BRD3: variants seen among roughly 807,000 people sequenced by gnomAD.
BRD3 encodes the protein bromodomain containing 3.
In BRD3, 17 loss-of-function variants were observed where a neutral mutation model predicts 66.8. The ratio of observed to expected loss-of-function variants is 0.25; its 90% CI spans 0.17 to 0.38. BRD3 has a LOEUF of 0.38. Ranked by LOEUF, BRD3 falls within the 10% of genes least tolerant of loss-of-function variation. The probability of loss-of-function intolerance (pLI) is 1.00; values close to 1 mark genes in which losing one functional copy is unlikely to be tolerated. For missense variants in BRD3, 713 were observed against 956.1 expected (o/e 0.75, Z 3.35); for synonymous variants, 421 against 393.2 (o/e 1.07, Z -0.84).
In BRD3 at chr9:134,036,344, A is replaced by AAC; in HGVS notation, c.1644-22_1644-21dup. On this transcript the variant is annotated intron_variant, in intron 9 of 11. Coordinates refer to ENST00000303407, the MANE Select transcript of BRD3 (RefSeq NM_007371.4). ...AGCTGTCTGGGGCAGGAGACAGAGC[A>AAC]ACGTGGTGTTGAGTCTCCGTCTACC... is the stretch of plus-strand genomic sequence containing the variant. The AAC allele has an allele frequency of 6.3e-7, 1 of 1,585,022 alleles. No individual in the cohort carries two copies. Among genetic ancestry groups the AAC allele is most frequent in the Non-Finnish European group, 8.6e-7 (1 of 1,165,346 alleles).
Position 134,036,918 on chromosome 9 carries a change from G to C in BRD3, c.1644-594C>G, listed in dbSNP as rs868274435. 1.3e-5 allele frequency among the ~76,000 whole-genome samples: 2 copies of C among 152,250 alleles called. 1 individual carries two copies. Among genetic ancestry groups the C allele is most frequent in the Middle Eastern group, 6.8e-3 (2 of 294 alleles). On this transcript the variant is annotated intron_variant, in intron 9 of 11. Transcript: ENST00000303407. ...CCCAGCTATGCGGGAGGCTGAGGCA[G>C]GAGAATCGCTTGAACCAGGGAGGCG...
intron 1 of BRD3, among the ~76,000 whole-genome samples, chr9:134,065,885 AC>A (rs1424752296): frequency 6.6e-6 from 1 of 152,096 alleles, no homozygotes; most frequent in Non-Finnish European, 1.5e-5. Flanking sequence ...GGAAGGTAGC[AC>A]CGGCTGCAGC....
chr9:134,050,767 T>G (rs1364918143), intron 4 of BRD3, among the ~76,000 whole-genome samples, 179 bp from the exon 5 acceptor site: 1 of 152,050 alleles, frequency 6.6e-6, no homozygotes, highest in Non-Finnish European at 1.5e-5. Context: ...AGGGTTGGTC[T>G]GGCTCATCTT....
intron 1 of BRD3, chr9:134,054,628 G>A (rs2132436976): frequency 6.6e-6 from 1 of 152,446 alleles, no homozygotes; most frequent in South Asian, 2.1e-4. Context: ...GCTCCCCTCG[G>A]AGCACAGGCA....
rs966016820 is a variant in BRD3 at position 134,035,956 on chromosome 9, C to T, written c.1936+76G>A. On this transcript the variant is annotated intron_variant, in intron 10 of 11. Coordinates refer to ENST00000303407, the MANE Select transcript of BRD3 (RefSeq NM_007371.4). ...GTGCCCAAGCTCGCCGCACAGGGTCCGTGAGGAGTGACAGGAGGGGCAGGC... is the reference window on the plus strand; with the variant it reads ...GTGCCCAAGCTCGCCGCACAGGGTCTGTGAGGAGTGACAGGAGGGGCAGGC... The T allele has an allele frequency of 7.9e-6, 12 of 1,527,874 alleles. No individual in the cohort carries two copies. The African/African-American group carries it at 8.3e-5, about 11-fold the overall frequency. 94.6% of individuals were successfully genotyped at this position (1,527,874 alleles called of 1,614,324 possible).
At chr9:134,036,674 G>A in intron 9 of BRD3, 1 of 1,128,954 alleles carries the variant, frequency 8.9e-7, no homozygotes, top group South Asian at 1.3e-5. Flanking sequence ...ATAATAAAAT[G>A]AGAGACCGAA....
intron 7 of BRD3, 28 bp from the exon 8 acceptor site, chr9:134,041,979 G>A (rs748603708): frequency 1.3e-6 from 2 of 1,537,364 alleles, no homozygotes; most frequent in Admixed American, 1.9e-5. Flanking sequence ...CTGCCCTGAA[G>A]ACATGGGTGC....
intron 9 of BRD3, among the ~76,000 whole-genome samples, chr9:134,036,824 C>A (rs537359139): frequency 1.3e-5 from 2 of 151,816 alleles, no homozygotes; most frequent in African/African-American, 2.4e-5. Context: ...CTGGCTACCA[C>A]GGTGAAACCT....
At chr9:134,061,874 G>A (rs1289741260) in intron 1 of BRD3, among the ~76,000 whole-genome samples, 1 of 152,178 alleles carries the variant, frequency 6.6e-6, no homozygotes, top group African/African-American at 2.4e-5. Flanking sequence ...TGGCAGGAGG[G>A]AGCTGAGTCT....
intron 7 of BRD3, among the ~76,000 whole-genome samples, chr9:134,042,246 G>A (rs954962135): frequency 2.0e-5 from 3 of 152,046 alleles, no homozygotes; most frequent in African/African-American, 7.3e-5. Context: ...ATGCATCCTT[G>A]TAGCCTCCTG....
intron 6 of BRD3, among the ~76,000 whole-genome samples, chr9:134,046,378 C>T (rs940661515): frequency 3.9e-5 from 6 of 152,186 alleles, no homozygotes; most frequent in African/African-American, 9.7e-5. Flanking sequence ...GGACGACACA[C>T]GCAAGGGCAA....
At chr9:134,047,010 C>T (rs111401646) in intron 6 of BRD3, among the ~76,000 whole-genome samples, 2,394 of 152,282 alleles carry the variant, frequency 0.016, 24 homozygotes, top group Middle Eastern at 0.037. Context: ...AGGCTGCAGC[C>T]GAGGCTCCTG....
chr9:134,042,191 C>T (rs1359869477), intron 7 of BRD3, among the ~76,000 whole-genome samples: 1 of 152,128 alleles, frequency 6.6e-6, no homozygotes, highest in Non-Finnish European at 1.5e-5. Flanking sequence ...AGGAGCTGGC[C>T]CACAGCTCCC....
At position 134,031,996 on chromosome 9, in the gene BRD3, A is replaced by G; in HGVS notation, c.*1594T>C. 4.6e-6 allele frequency: 1 copy of G among 216,122 alleles called. No individual in the cohort carries two copies. Among genetic ancestry groups the G allele is most frequent in the Non-Finnish European group, 9.3e-6 (1 of 107,008 alleles). 13.4% of individuals were successfully genotyped at this position (216,122 alleles called of 1,614,324 possible). On this transcript the variant is annotated 3_prime_UTR_variant, in exon 12 of 12. Coordinates refer to ENST00000303407, the MANE Select transcript of BRD3 (RefSeq NM_007371.4). ...CCCAGAGACTCCTCCACCCCTGGGG[A>G]GGGCAGACAGGCTCGGGAGGGCCTG... is the stretch of plus-strand genomic sequence containing the variant.
chr9:134,036,602 G>C, intron 9 of BRD3: 1 of 1,602,114 alleles, frequency 6.2e-7, no homozygotes, highest in Non-Finnish European at 8.5e-7. Flanking sequence ...CTGTATTCAG[G>C]TAATCCAAAA....
chr9:134,056,772 T>C (rs1288086379), intron 1 of BRD3: 2 of 152,210 alleles, frequency 1.3e-5, no homozygotes, highest in Non-Finnish European at 2.9e-5. Flanking sequence ...AGAGTCCCAG[T>C]GGGGAGGGAG....
intron 2 of BRD3, 109 bp from the exon 3 acceptor site, chr9:134,052,552 G>A: frequency 8.0e-7 from 1 of 1,254,712 alleles, no homozygotes; most frequent in Non-Finnish European, 1.1e-6. Context: ...GACTGGGGCT[G>A]GCCCAGAGGC....
intron 7 of BRD3, among the ~76,000 whole-genome samples, chr9:134,042,714 C>CAT (rs1830083298): frequency 1.4e-5 from 2 of 147,312 alleles, no homozygotes; most frequent in Non-Finnish European, 3.0e-5. Context: ...TATATATACA[C>CAT]ATATATACAC....
At position 134,041,747 on chromosome 9, in the gene BRD3, T is replaced by C. The variant is rs1564549940; in HGVS notation, c.1407+13A>G. On this transcript the variant is annotated intron_variant, in intron 8 of 11. Transcript: ENST00000303407. Reference sequence around the variant, plus strand: ...TCAGCCCCTGAACCCCACCCAAGCATGCCAGTGCCCACCTGCTCCTGCAGC... The same window carrying C: ...TCAGCCCCTGAACCCCACCCAAGCACGCCAGTGCCCACCTGCTCCTGCAGC... 1 of 1,607,446 alleles carries C rather than the reference T, an allele frequency of 6.2e-7. No individual in the cohort carries two copies. Among genetic ancestry groups the C allele is most frequent in the Admixed American group, 1.7e-5 (1 of 59,796 alleles).
Sources: gnomAD v4.1 joint callset for allele counts (sites outside exome capture counted in the v4.1 genomes callset) on GRCh38, gnomAD v4.1.1 for gene constraint, MANE v1.5 for transcripts, NCBI Gene and HGNC (gene_info 2026-07-23, HGNC 2026-07-21) for gene names.